The following LRBA variants were observed in gnomAD, a reference collection of about 807,000 sequenced individuals.
LRBA encodes the protein lipopolysaccharide-responsive and beige-like anchor protein.
In LRBA, 176 loss-of-function variants were observed where a neutral mutation model predicts 330.0. The ratio of observed to expected loss-of-function variants is 0.53; its 90% CI spans 0.47 to 0.60. The LOEUF (loss-of-function observed/expected upper bound fraction) is 0.60. LRBA is among the 20% of genes least tolerant of loss of function. The pLI is 0.00. For missense variants in LRBA, 3,259 were observed against 3,444.8 expected (o/e 0.95, Z 1.35); for synonymous variants, 1,230 against 1,193.0 (o/e 1.03, Z -0.64).
intron 36 of LRBA, among the ~76,000 whole-genome samples, chr4:150,734,725 G>A (rs1051590031): frequency 2.6e-5 from 4 of 152,136 alleles, no homozygotes; most frequent in East Asian, 3.8e-4. Context: ...ATGGTCCCAG[G>A]ATGAGTTTAT....
chr4:150,335,477 GTA>G (rs1561030149), intron 48 of LRBA, among the ~76,000 whole-genome samples: 1 of 108,282 alleles, frequency 9.2e-6, no homozygotes, highest in South Asian at 2.7e-4. Flanking sequence ...ATATATATAC[GTA>G]TATATGTGTG....
At chr4:150,805,586 GAAA>G (rs1742640325) in intron 33 of LRBA, among the ~76,000 whole-genome samples, 1 of 130,918 alleles carries the variant, frequency 7.6e-6, no homozygotes, top group African/African-American at 3.2e-5. Context: ...GAAAGGAAAG[GAAA>G]GGAAAGGAAA....
At position 150,349,523 on chromosome 4, in the gene LRBA, ATAACATC is replaced by A. The variant is rs1224540687; in HGVS notation, c.7362+462_7362+468del. 3.3e-5 allele frequency among the ~76,000 whole-genome samples: 5 copies of A among 152,336 alleles called. No individual in the cohort carries two copies. In the East Asian group the frequency reaches 9.6e-4, roughly 29 times the overall value. ...AAATGACAAGAATAAAACAAGTTCA[ATAACATC>A]TAACAACAATTTGATCACATAGGAA... On this transcript the variant is annotated intron_variant, in intron 48 of 56. Transcript: ENST00000651943.
intron 37 of LRBA, among the ~76,000 whole-genome samples, chr4:150,621,362 T>C (rs542847760): frequency 2.6e-5 from 4 of 152,202 alleles, no homozygotes; most frequent in Admixed American, 6.5e-5. Flanking sequence ...CAAATGTTTG[T>C]ATATTGTAAG....
At chr4:150,392,794 C>T (rs955201503) in intron 47 of LRBA, among the ~76,000 whole-genome samples, 9 of 142,934 alleles carry the variant, frequency 6.3e-5, no homozygotes, top group African/African-American at 2.1e-4. Context: ...GGGATTTGAA[C>T]AATGAGAACA....
At chr4:150,394,689 G>A (rs1744461886) in intron 47 of LRBA, among the ~76,000 whole-genome samples, 1 of 152,206 alleles carries the variant, frequency 6.6e-6, no homozygotes, top group Admixed American at 6.5e-5. Flanking sequence ...GAGCTAGAAT[G>A]AGGACCAATG....
At chr4:150,474,331 C>T (rs947403047) in intron 42 of LRBA, among the ~76,000 whole-genome samples, 3 of 152,106 alleles carry the variant, frequency 2.0e-5, no homozygotes, top group African/African-American at 7.2e-5. Flanking sequence ...AATTTATATG[C>T]CGATCTTTGT....
intron 35 of LRBA, among the ~76,000 whole-genome samples, chr4:150,758,555 CT>C (rs1378328196): frequency 6.7e-6 from 1 of 150,370 alleles, no homozygotes; most frequent in Non-Finnish European, 1.5e-5. Flanking sequence ...CAATAGCCCC[CT>C]AATTGATCTC....
chr4:150,987,246 C>A (rs956142855), intron 2 of LRBA, among the ~76,000 whole-genome samples: 2 of 152,218 alleles, frequency 1.3e-5, no homozygotes, highest in Non-Finnish European at 1.5e-5. Flanking sequence ...TTTACTCCTA[C>A]TCCAGTAATG....
intron 29 of LRBA, 113 bp downstream of exon 29, chr4:150,831,704 T>G: frequency 2.8e-6 from 2 of 710,918 alleles, no homozygotes; most frequent in Non-Finnish European, 4.3e-6. Flanking sequence ...ATGTATGCTC[T>G]CCCTTAATTT....
intron 47 of LRBA, among the ~76,000 whole-genome samples, chr4:150,380,284 C>T (rs1409516162): frequency 6.6e-6 from 1 of 152,186 alleles, no homozygotes; most frequent in Non-Finnish European, 1.5e-5. Context: ...ACAGGGATCA[C>T]TCAACTGTAT....
chr4:151,003,552 T>C (rs549776917), intron 2 of LRBA, among the ~76,000 whole-genome samples: 17 of 152,154 alleles, frequency 1.1e-4, no homozygotes, highest in African/African-American at 3.9e-4. Context: ...AGCATGGTAC[T>C]GGCCTAAAAA....
intron 37 of LRBA, among the ~76,000 whole-genome samples, chr4:150,610,643 C>A (rs2126573448): frequency 6.6e-6 from 1 of 152,130 alleles, no homozygotes; most frequent in South Asian, 2.1e-4. Context: ...TGACCAGACT[C>A]ATTCAAGATT....
rs193264222 is a variant in LRBA, at chr4:150,675,641, C to G, written c.5921+7910G>C. ...GCTGAGGCAGGAGAACTGCCTGAAC[C>G]CGGGAAGTGGAGCTTGCAGTGAGCT... On this transcript the variant is annotated intron_variant, in intron 37 of 56. Coordinates refer to ENST00000651943, the MANE Select transcript of LRBA (RefSeq NM_001364905.1). Among the ~76,000 whole-genome samples, 246 of 152,162 alleles carry G rather than the reference C, an allele frequency of 1.6e-3. 1 individual carries two copies. The highest frequency in any genetic ancestry group is 3.7e-3 in the Admixed American group (56 of 15,292).
chr4:150,425,309 G>A lies in LRBA; in HGVS notation c.7042-9719C>T, dbSNP rs548687965. 2.0e-5 allele frequency among the ~76,000 whole-genome samples: 3 copies of A among 152,292 alleles called. No homozygotes were observed. In the East Asian group the frequency reaches 5.8e-4, roughly 29 times the overall value. On this transcript the variant is annotated intron_variant, in intron 46 of 56. Coordinates refer to ENST00000651943, the MANE Select transcript of LRBA (RefSeq NM_001364905.1). ...TTAAAACATCAGTGGAAAATGATAAGTAAACAACACTGACAGAAGACAGAT... is the reference window on the plus strand; with the variant it reads ...TTAAAACATCAGTGGAAAATGATAAATAAACAACACTGACAGAAGACAGAT...
chr4:150,651,827 T>C (rs1779733141), intron 37 of LRBA, among the ~76,000 whole-genome samples: 1 of 152,162 alleles, frequency 6.6e-6, no homozygotes, highest in African/African-American at 2.4e-5. Context: ...AGATGGGTCT[T>C]TTAACTGAGG....
At position 150,467,688 on chromosome 4, in the gene LRBA, G is replaced by C; in HGVS notation, c.6765C>G (p.Phe2255Leu). The change falls in exon 44 of 57, where the codon TTC (phenylalanine) becomes TTG (leucine). Residue 2255 changes from phenylalanine (F) to leucine (L), a missense_variant. Transcript: ENST00000651943. ...GAGAAATTACCTTGGACAAATCTCTGAAGTTGGTGGGCAAGGTAAGATCCA... is the reference window on the plus strand; with the variant it reads ...GAGAAATTACCTTGGACAAATCTCTCAAGTTGGTGGGCAAGGTAAGATCCA... The part of the protein sequence containing the change: ...EELDLTLPTN[F>L]RDLSKPIGAL... The C allele has an allele frequency of 1.3e-6, 2 of 1,591,436 alleles. No individual in the cohort carries two copies. The highest frequency in any genetic ancestry group is 1.7e-6 in the Non-Finnish European group (2 of 1,161,668).
chr4:150,981,000 C>G (rs1053623074), intron 2 of LRBA, among the ~76,000 whole-genome samples: 1 of 151,966 alleles, frequency 6.6e-6, no homozygotes, highest in African/African-American at 2.4e-5. Context: ...GAAAGATATT[C>G]CATGTTCACG....
rs1481460187 is a variant in LRBA at position 150,918,513 on chromosome 4, C to T, written c.646-1775G>A. Among the ~76,000 whole-genome samples, 4 of 152,294 alleles carry T rather than the reference C, an allele frequency of 2.6e-5. No homozygotes were observed. In the East Asian group the frequency reaches 5.8e-4, roughly 22 times the overall value. ...CCTATAATCCCAGCACTTTGGGAGG[C>T]TGAGGCAGGTGGATCACTTCAGGTC... On this transcript the variant is annotated intron_variant, in intron 5 of 56. Coordinates refer to ENST00000651943, the MANE Select transcript of LRBA (RefSeq NM_001364905.1).
Sources: gnomAD v4.1 joint callset for allele counts (sites outside exome capture counted in the v4.1 genomes callset) on GRCh38, gnomAD v4.1.1 for gene constraint, MANE v1.5 for transcripts, NCBI Gene and HGNC (gene_info 2026-07-23, HGNC 2026-07-21) for gene names.